The following OR2T1 variants were observed in gnomAD, a reference collection of about 807,000 sequenced individuals.
OR2T1 encodes olfactory receptor 2T1.
For missense variants in OR2T1, 440 were observed against 390.2 expected, an observed-to-expected ratio of 1.13 and a Z score of -1.07; for synonymous variants, 186 against 145.4, an observed-to-expected ratio of 1.28 and a Z score of -2.01.
In OR2T1 at chr1:248,406,540, C is replaced by T. The variant is rs146416035; in HGVS notation, c.393C>T (p.Tyr131=). 4 of 1,614,152 alleles carry T rather than the reference C, an allele frequency of 2.5e-6. No homozygotes were observed. In the East Asian group the frequency reaches 6.7e-5, roughly 27 times the overall value. The stretch of plus-strand genomic sequence containing the variant: ...TGGCCATTTGCAACCCTCTGAGATA[C>T]CCTGTCCTCATGAGCCGCCGGGTCT... ...RYVAICNPLR[Y]PVLMSRRVCW... is the part of the protein sequence containing the mutation. Residue 131 remains tyrosine, a synonymous_variant, in exon 2 of 2, where the codon TAC becomes TAT. Coordinates refer to ENST00000642005, the MANE Select transcript of OR2T1 (RefSeq NM_030904.2).
At chr1:248,404,252 GTTTGAC>G (rs1572879622) in intron 1 of OR2T1, among the ~76,000 whole-genome samples, 2 of 952 alleles carry the variant, frequency 2.1e-3, no homozygotes, top group Admixed American at 0.011. Flanking sequence ...AGAGACCACT[GTTTGAC>G]TTTGTGAAGC....
rs113355344 is a variant in OR2T1 at position 248,405,272 on chromosome 1, A to G, written c.-33-843A>G. Among the ~76,000 whole-genome samples the G allele has an allele frequency of 5.2e-3, 790 of 152,250 alleles. 9 individuals are homozygous for G. The highest frequency in any genetic ancestry group is 0.018 in the African/African-American group (737 of 41,550). ...TTATTGTAACCTGAAATTGTATAAAACACACTCAGTTTTTCTTAATTATGA... is the reference window on the plus strand; with the variant it reads ...TTATTGTAACCTGAAATTGTATAAAGCACACTCAGTTTTTCTTAATTATGA... On this transcript the variant is annotated intron_variant, in intron 1 of 1. Coordinates refer to ENST00000642005, the MANE Select transcript of OR2T1 (RefSeq NM_030904.2).
At chr1:248,405,863 T>C in intron 1 of OR2T1, 1 of 752,750 alleles carries the variant, frequency 1.3e-6, no homozygotes, top group Non-Finnish European at 2.1e-6. Flanking sequence ...GGCATTGTTA[T>C]GCACATCATC....
rs771781262 is a variant in OR2T1 at position 248,406,626 on chromosome 1, C to G, written c.479C>G (p.Pro160Arg). ...TCTTTGGATGGCTTCCTCCTAACCC[C>G]CATCACCATGAGCTTTCCCTTCTGC... ...GGSLDGFLLT[P>R]ITMSFPFCNS... The change falls in exon 2 of 2, where the codon CCC becomes CGC. Residue 160 changes from proline to arginine, a missense_variant. Pro to Arg is a moderately radical substitution (Grantham distance 103). Transcript: ENST00000642005. 1 of 1,614,160 alleles carries G rather than the reference C, an allele frequency of 6.2e-7. No homozygotes were observed. Among genetic ancestry groups the G allele is most frequent in the South Asian group, 1.1e-5 (1 of 91,086 alleles).
Position 248,406,301 on chromosome 1 carries a change from T to C in OR2T1, c.154T>C (p.Leu52=). 1 of 1,614,130 alleles carries C rather than the reference T, an allele frequency of 6.2e-7. No homozygotes were observed. Among genetic ancestry groups the C allele is most frequent in the Non-Finnish European group, 8.5e-7 (1 of 1,179,996 alleles). The change falls in exon 2 of 2, where the codon TTG becomes CTG. Residue 52 remains leucine, a synonymous_variant. Coordinates refer to ENST00000642005, the MANE Select transcript of OR2T1 (RefSeq NM_030904.2). ...TATGATCTTCCTGATCCAAACAGATTTGCGCCTTCATACACCCATGTACTT... is the reference window on the plus strand; with the variant it reads ...TATGATCTTCCTGATCCAAACAGATCTGCGCCTTCATACACCCATGTACTT... The part of the protein sequence containing the change: ...GVMIFLIQTD[L]RLHTPMYFLL...
chr1:248,405,878 T>C (rs1572880866), intron 1 of OR2T1: 1 of 830,042 alleles, frequency 1.2e-6, no homozygotes, highest in East Asian at 2.5e-5. Context: ...ATCATCGTAA[T>C]ACAGTATCAT....
At chr1:248,403,690 A>G (rs567314915) in intron 1 of OR2T1, among the ~76,000 whole-genome samples, 2 of 152,276 alleles carry the variant, frequency 1.3e-5, no homozygotes, top group South Asian at 4.1e-4. Context: ...ATCTATGCCC[A>G]GGAGATATTC....
rs575219522 is a variant in OR2T1 at position 248,405,869 on chromosome 1, T to A, written c.-33-246T>A. 2.4e-4 allele frequency: 191 copies of A among 782,008 alleles called. 2 individuals carry two copies. The South Asian group carries it at 3.4e-3, about 14-fold the overall frequency. The allele number at this position is 782,008 out of a possible 1,614,324, so 48.4% of individuals were successfully genotyped here. A position where few individuals can be genotyped will look rare whatever the true frequency, so the allele number is the denominator to read the frequency against. ...GCAACCTTAGGCATTGTTATGCACATCATCGTAATACAGTATCATCTGCTG... is the reference window on the plus strand; with the variant it reads ...GCAACCTTAGGCATTGTTATGCACAACATCGTAATACAGTATCATCTGCTG... On this transcript the variant is annotated intron_variant, in intron 1 of 1. Transcript: ENST00000642005.
rs1661552244 is a variant in OR2T1 at position 248,406,230 on chromosome 1, C to A, written c.83C>A (p.Ala28Asp). Residue 28 changes from alanine to aspartate, a missense_variant, in exon 2 of 2, where the codon GCC becomes GAC. By Grantham distance (126) the Ala-to-Asp change is moderately radical. Transcript: ENST00000642005. The part of the protein sequence containing the change: ...NRKETSGLIF[A>D]IISIIFFTAL... ...AAGGAAACCTCAGGTCTTATTTTTGCCATCATCTCTATCATCTTCTTCACC... is the reference window on the plus strand; with the variant it reads ...AAGGAAACCTCAGGTCTTATTTTTGACATCATCTCTATCATCTTCTTCACC... 4 of 1,614,076 alleles carry A rather than the reference C, an allele frequency of 2.5e-6. No individual in the cohort carries two copies. The highest frequency in any genetic ancestry group is 1.1e-5 in the South Asian group (1 of 91,080).
At chr1:248,404,245 G>GGCTATTACATATATGTGTGTGTAT in intron 1 of OR2T1, among the ~76,000 whole-genome samples, 3 of 150,970 alleles carry the variant, frequency 2.0e-5, no homozygotes, top group African/African-American at 4.9e-5. Flanking sequence ...AGACAGCAGA[G>GGCTATTACATATATGTGTGTGTAT]ACCACTGTTT....
chr1:248,405,113 G>A (rs933770318), intron 1 of OR2T1, among the ~76,000 whole-genome samples: 1 of 152,126 alleles, frequency 6.6e-6, no homozygotes, highest in Non-Finnish European at 1.5e-5. Context: ...ATATTTAGAG[G>A]AGCACTAGAC....
At chr1:248,405,180 T>G (rs985831200) in intron 1 of OR2T1, among the ~76,000 whole-genome samples, 2 of 152,172 alleles carry the variant, frequency 1.3e-5, no homozygotes, top group Non-Finnish European at 2.9e-5. Flanking sequence ...TTGGGACACT[T>G]TTAGCCTTAA....
In OR2T1 at chr1:248,406,921, C is replaced by T; in HGVS notation, c.774C>T (p.Tyr258=). The T allele has an allele frequency of 1.2e-6, 2 of 1,614,104 alleles. No individual in the cohort carries two copies. Among genetic ancestry groups the T allele is most frequent in the Non-Finnish European group, 1.7e-6 (2 of 1,179,966 alleles). Residue 258 remains tyrosine (Y), a synonymous_variant, in exon 2 of 2, where the codon TAC becomes TAT. Transcript: ENST00000642005. ...SLFYGAAMYT[Y]MLPHSYHKPA... ...TCTACGGGGCTGCCATGTACACCTA[C>T]ATGCTGCCACATTCTTACCACAAGC...
intron 1 of OR2T1, among the ~76,000 whole-genome samples, chr1:248,404,445 A>T (rs1028657920): frequency 6.6e-5 from 10 of 151,806 alleles, no homozygotes; most frequent in Admixed American, 6.6e-4. Context: ...AACCTAAAAA[A>T]AGTAAAATGA....
Position 248,406,133 on chromosome 1 carries a change from A to G in OR2T1, c.-15A>G, listed in dbSNP as rs762847335. On this transcript the variant is annotated 5_prime_UTR_variant, in exon 2 of 2. Coordinates refer to ENST00000642005, the MANE Select transcript of OR2T1 (RefSeq NM_030904.2). Reference sequence around the variant, plus strand: ...TTGGAAGATATTACCTTATATCGGCACAACTGTAGGATCAATGGAAGAGTA... The same window carrying G: ...TTGGAAGATATTACCTTATATCGGCGCAACTGTAGGATCAATGGAAGAGTA... The G allele has an allele frequency of 1.5e-5, 25 of 1,614,046 alleles. No homozygotes were observed. The South Asian group carries it at 2.7e-4, about 18-fold the overall frequency.
In OR2T1 at chr1:248,406,244, ATCT is replaced by A; in HGVS notation, c.103_105del (p.Phe35del). The A allele has an allele frequency of 1.2e-6, 2 of 1,614,112 alleles. No individual in the cohort carries two copies. The highest frequency in any genetic ancestry group is 1.7e-6 in the Non-Finnish European group (2 of 1,180,010). ...TCTTATTTTTGCCATCATCTCTATC[ATCT>A]TCTTCACCGCACTGATGGCCAATGG... is the stretch of plus-strand genomic sequence containing the variant. On this transcript the variant is annotated inframe_deletion, in exon 2 of 2. Coordinates refer to ENST00000642005, the MANE Select transcript of OR2T1 (RefSeq NM_030904.2).
Position 248,406,512 on chromosome 1 carries a change from A to C in OR2T1, c.365A>C (p.Tyr122Ser). 6.2e-7 allele frequency: 1 copy of C among 1,613,986 alleles called. No individual in the cohort carries two copies. The highest frequency in any genetic ancestry group is 8.5e-7 in the Non-Finnish European group (1 of 1,179,996). ...FLLGLMAYDR[Y>S]VAICNPLRYP... ...CTGGGCCTCATGGCCTATGACCGCT[A>C]TGTGGCCATTTGCAACCCTCTGAGA... The change falls in exon 2 of 2, where the codon TAT becomes TCT. Residue 122 changes from tyrosine (Y) to serine (S), a missense_variant. Transcript: ENST00000642005.
rs1257138824 is a variant in OR2T1, at chr1:248,407,835, T to A, written c.*731T>A. The A allele has an allele frequency of 6.6e-6, 1 of 152,234 alleles. No homozygotes were observed. Among genetic ancestry groups the A allele is most frequent in the East Asian group, 1.9e-4 (1 of 5,204 alleles). The allele number at this position is 152,234 out of a possible 1,614,324, so 9.4% of individuals were successfully genotyped here. ...CTGTTTCTGTGTATCCTTTGTAATA[T>A]CATTTATAACAAGTGGTAAACATAG... On this transcript the variant is annotated 3_prime_UTR_variant, in exon 2 of 2. Coordinates refer to ENST00000642005, the MANE Select transcript of OR2T1 (RefSeq NM_030904.2).
Position 248,407,650 on chromosome 1 carries a change from A to G in OR2T1, c.*546A>G, listed in dbSNP as rs1205990496. On this transcript the variant is annotated 3_prime_UTR_variant, in exon 2 of 2. Coordinates refer to ENST00000642005, the MANE Select transcript of OR2T1 (RefSeq NM_030904.2). ...AATAAAGTCTCCATATAAGGGCCAA[A>G]AGGAGAGGACAGAAAACTTCTGGAC... The G allele has an allele frequency of 6.6e-6, 1 of 152,464 alleles. No individual in the cohort carries two copies. Among genetic ancestry groups the G allele is most frequent in the African/African-American group, 2.4e-5 (1 of 41,452 alleles). 9.4% of individuals were successfully genotyped at this position (152,464 alleles called of 1,614,324 possible).
Sources: gnomAD v4.1 joint callset for allele counts (sites outside exome capture counted in the v4.1 genomes callset) on GRCh38, gnomAD v4.1.1 for gene constraint, MANE v1.5 for transcripts, NCBI Gene and HGNC (gene_info 2026-07-23, HGNC 2026-07-21) for gene names.